GSPT1: variants seen among roughly 807,000 people sequenced by gnomAD.
The protein encoded by GSPT1 is eukaryotic peptide chain release factor GTP-binding subunit ERF3A.
GSPT1 carries 20 observed loss-of-function variants against 72.5 expected under a neutral mutation model. The ratio of observed to expected loss-of-function variants is 0.28; its 90% CI spans 0.19 to 0.40. The LOEUF is 0.40. Among genes scored for constraint, GSPT1 ranks in the 10% least tolerant of loss-of-function variants. The pLI is 1.00. For missense variants in GSPT1, 580 were observed against 811.9 expected (o/e 0.71, Z 3.47); for synonymous variants, 334 against 293.5 (o/e 1.14, Z -1.41).
At chr16:11,889,964 TC>T (rs1310255384) in intron 6 of GSPT1, among the ~76,000 whole-genome samples, 1 of 149,090 alleles carries the variant, frequency 6.7e-6, no homozygotes, top group Non-Finnish European at 1.5e-5. Context: ...TTTCCTTTTT[TC>T]TTTTTTTTTT....
At chr16:11,890,932 G>C (rs921665232) in intron 6 of GSPT1, 130 bp downstream of exon 6, 5 of 593,286 alleles carry the variant, frequency 8.4e-6, no homozygotes, top group East Asian at 6.3e-5. Flanking sequence ...ATTATGAGGA[G>C]AGGGGAAATT....
At chr16:11,903,481 C>T (rs542782734) in intron 1 of GSPT1, among the ~76,000 whole-genome samples, 35 of 152,310 alleles carry the variant, frequency 2.3e-4, no homozygotes, top group African/African-American at 8.4e-4. Context: ...CACCACTGCA[C>T]TCCAGCCTGG....
chr16:11,879,993 T>C (rs2054101825), intron 11 of GSPT1, among the ~76,000 whole-genome samples: 1 of 152,174 alleles, frequency 6.6e-6, no homozygotes, highest in African/African-American at 2.4e-5. Flanking sequence ...CTTGCAAAAC[T>C]GAAACTCCCC....
intron 1 of GSPT1, among the ~76,000 whole-genome samples, chr16:11,907,861 A>G (rs1034646084): frequency 3.3e-5 from 5 of 152,260 alleles, no homozygotes; most frequent in Admixed American, 6.5e-5. Context: ...CAACCTGATC[A>G]GACTTTGCAT....
At chr16:11,887,548 G>A in intron 7 of GSPT1, 22 bp downstream of exon 7, 1 of 1,597,544 alleles carries the variant, frequency 6.3e-7, no homozygotes, top group Non-Finnish European at 8.6e-7. Context: ...ATATACAGAT[G>A]GACTGGAAAT....
chr16:11,902,918 G>A lies in GSPT1; in HGVS notation c.353-4883C>T, dbSNP rs1022069427. On this transcript the variant is annotated intron_variant, in intron 1 of 14. Transcript: ENST00000434724. ...TTTTTATAGAGATGGTGTTTCAATA[G>A]GTTCCCCAGACTGGTCTCCAACTCC... 2.6e-5 allele frequency among the ~76,000 whole-genome samples: 4 copies of A among 151,704 alleles called. No individual in the cohort carries two copies. The East Asian group carries it at 7.8e-4, about 30-fold the overall frequency.
At chr16:11,899,732 G>A (rs955018460) in intron 1 of GSPT1, among the ~76,000 whole-genome samples, 2 of 152,152 alleles carry the variant, frequency 1.3e-5, no homozygotes, top group African/African-American at 2.4e-5. Context: ...TTCAGAGGAA[G>A]CCAGGTAGTA....
intron 1 of GSPT1, among the ~76,000 whole-genome samples, chr16:11,898,441 C>CTTTTTT (rs5815660): frequency 2.8e-5 from 3 of 107,074 alleles, no homozygotes; most frequent in African/African-American, 1.1e-4. Context: ...GTGATTAGCC[C>CTTTTTT]TTTTTTTTTT....
chr16:11,915,162 G>A, intron 1 of GSPT1: 2 of 1,031,332 alleles, frequency 1.9e-6, no homozygotes, highest in East Asian at 1.0e-4. Flanking sequence ...CGCGCTGCCC[G>A]CTGTCCGCTC....
intron 1 of GSPT1, among the ~76,000 whole-genome samples, chr16:11,913,516 C>T (rs2054586723): frequency 6.6e-6 from 1 of 152,082 alleles, no homozygotes; most frequent in Admixed American, 6.6e-5. Context: ...AGAGAAAGCC[C>T]GCATAAGAGG....
intron 9 of GSPT1, among the ~76,000 whole-genome samples, 187 bp from the exon 10 acceptor site, chr16:11,885,461 G>A (rs1408184724): frequency 1.3e-5 from 2 of 152,046 alleles, no homozygotes; most frequent in Non-Finnish European, 2.9e-5. Context: ...CTCAGTATAA[G>A]GCTTCCTCAT....
intron 14 of GSPT1, 99 bp from the exon 15 acceptor site, chr16:11,873,270 A>G (rs1489013429): frequency 9.6e-6 from 6 of 622,564 alleles, no homozygotes; most frequent in African/African-American, 7.4e-5. Flanking sequence ...ATTTTTTACA[A>G]TGTAAGTTAC....
chr16:11,887,194 A>G (rs889188698), intron 7 of GSPT1, among the ~76,000 whole-genome samples: 2 of 152,120 alleles, frequency 1.3e-5, no homozygotes, highest in Non-Finnish European at 2.9e-5. Flanking sequence ...TTGTAACTAC[A>G]AAGGAAAAAA....
chr16:11,906,369 G>A (rs914403161), intron 1 of GSPT1, among the ~76,000 whole-genome samples: 3 of 152,230 alleles, frequency 2.0e-5, no homozygotes, highest in Admixed American at 1.3e-4. Context: ...GGTGGTTCCC[G>A]CCTATAAACC....
intron 1 of GSPT1, chr16:11,904,273 G>C (rs1160740440): frequency 6.6e-6 from 1 of 152,234 alleles, no homozygotes; most frequent in East Asian, 1.9e-4. Context: ...TGCAATCTCG[G>C]CTTACTGCAA....
chr16:11,874,918 A>G (rs111769337), intron 14 of GSPT1, among the ~76,000 whole-genome samples: 13,532 of 152,264 alleles, frequency 0.089, 734 homozygotes, highest in Non-Finnish European at 0.12. Context: ...TGGGCCGGGC[A>G]CGGTGGCTCA....
intron 1 of GSPT1, chr16:11,904,193 T>A (rs1275109268): frequency 1.2e-5 from 2 of 170,852 alleles, no homozygotes; most frequent in Non-Finnish European, 2.8e-5. Flanking sequence ...CATTCCTGAC[T>A]CATTTTATTT....
chr16:11,869,402 A>G lies in GSPT1; in HGVS notation c.*3717T>C, dbSNP rs1405347043. 2 of 152,242 alleles carry G rather than the reference A, an allele frequency of 1.3e-5. No individual in the cohort carries two copies. Among genetic ancestry groups the G allele is most frequent in the African/African-American group, 4.8e-5 (2 of 41,456 alleles). The allele number at this position is 152,242 out of a possible 1,614,324, so 9.4% of individuals were successfully genotyped here. A position where few individuals can be genotyped will look rare whatever the true frequency, so the allele number is the denominator to read the frequency against. On this transcript the variant is annotated 3_prime_UTR_variant, in exon 15 of 15. Coordinates refer to ENST00000434724, the MANE Select transcript of GSPT1 (RefSeq NM_002094.4). ...TGAAAAAGTTAGCTGCAAGAAATAA[A>G]AGCCTATTATTTGGAGATAGATAAT... is the stretch of plus-strand genomic sequence containing the variant.
chr16:11,911,937 C>T (rs150512749), intron 1 of GSPT1, among the ~76,000 whole-genome samples: 1 of 138,254 alleles, frequency 7.2e-6, no homozygotes, highest in Non-Finnish European at 1.5e-5. Flanking sequence ...AGGCAATCCT[C>T]TCACCTCAGC....
Sources: allele counts gnomAD v4.1 joint callset (sites outside exome capture counted in the v4.1 genomes callset), GRCh38; gene constraint gnomAD v4.1.1; transcripts MANE v1.5; gene names NCBI Gene and HGNC (gene_info 2026-07-23, HGNC 2026-07-21).